KALRN: variants seen among roughly 807,000 people sequenced by gnomAD.
KALRN encodes the protein kalirin.
Under a neutral mutation model 353.7 loss-of-function variants are expected in KALRN, and 70 were observed. The ratio of observed to expected loss-of-function variants is 0.20; its 90% confidence interval spans 0.16 to 0.24. The LOEUF (loss-of-function observed/expected upper bound fraction) is 0.24. Among genes scored for constraint, KALRN ranks in the 10% least tolerant of loss-of-function variants. KALRN has a pLI of 1.00. For missense variants in KALRN, 2,791 were observed against 3,756.7 expected, an observed-to-expected ratio of 0.74 and a Z score of 6.72; for synonymous variants, 1,391 against 1,434.8, an observed-to-expected ratio of 0.97 and a Z score of 0.69.
intron 24 of KALRN, 92 bp from the exon 25 acceptor site, chr3:124,462,432 C>T: frequency 2.8e-6 from 2 of 717,654 alleles, no homozygotes; most frequent in South Asian, 3.4e-5. Context: ...CAGTTTGAGT[C>T]TTGCCCCACA....
intron 10 of KALRN, among the ~76,000 whole-genome samples, chr3:124,349,919 T>G (rs1005657994): frequency 6.6e-6 from 1 of 152,178 alleles, no homozygotes; most frequent in African/African-American, 2.4e-5. Flanking sequence ...ATCCCCTGAC[T>G]GCTGAGAGTG....
rs370394911 is a variant in KALRN at position 124,664,370 on chromosome 3, T to TGTGTGCGC, written c.6346-2078_6346-2077insTGTGCGCG. Among the ~76,000 whole-genome samples the TGTGTGCGC allele has an allele frequency of 2.6e-3, 342 of 129,550 alleles. 4 individuals carry two copies. The highest frequency in any genetic ancestry group is 9.2e-3 in the African/African-American group (319 of 34,540). The allele number at this position is 129,550 out of a possible 152,430, so 85.0% of individuals were successfully genotyped here. ...GTGTGTGTGTGTGTGTGTGTGTGTGTGCGCGCGCGCGCATATAAGGGCACC... is the reference window on the plus strand; with the variant it reads ...GTGTGTGTGTGTGTGTGTGTGTGTGTGTGTGCGCGCGCGCGCGCGCATATAAGGGCACC... On this transcript the variant is annotated intron_variant, in intron 45 of 59. Coordinates refer to ENST00000682506, the MANE Select transcript of KALRN (RefSeq NM_001388419.1).
At chr3:124,430,840 G>A in intron 16 of KALRN, 65 bp downstream of exon 16, 1 of 1,546,312 alleles carries the variant, frequency 6.5e-7, no homozygotes, top group Non-Finnish European at 8.7e-7. Flanking sequence ...CAGGCAGGGT[G>A]ATTCTCAGGT....
At chr3:124,403,574 G>C (rs1223278394) in intron 13 of KALRN, among the ~76,000 whole-genome samples, 1 of 152,196 alleles carries the variant, frequency 6.6e-6, no homozygotes, top group East Asian at 1.9e-4. Flanking sequence ...AAAACAAATA[G>C]GGGCCAGGCT....
chr3:124,094,602 A>G (rs1452055991), intron 1 of KALRN: 1 of 566,512 alleles, frequency 1.8e-6, no homozygotes, highest in Non-Finnish European at 3.2e-6. Context: ...GGGTCCAGGC[A>G]GGCTCGGTCT....
chr3:124,430,849 G>T, intron 16 of KALRN, 74 bp downstream of exon 16: 1 of 1,522,778 alleles, frequency 6.6e-7, no homozygotes. Flanking sequence ...TGATTCTCAG[G>T]TGTGGGTGTT....
intron 34 of KALRN, among the ~76,000 whole-genome samples, chr3:124,583,925 T>C (rs187696181): frequency 2.6e-5 from 4 of 152,250 alleles, no homozygotes; most frequent in Non-Finnish European, 5.9e-5. Context: ...TTTGGGAGGC[T>C]AAGGCAGGAG....
chr3:124,678,112 C>T, intron 49 of KALRN, 78 bp from the exon 50 acceptor site: 3 of 1,526,572 alleles, frequency 2.0e-6, no homozygotes, highest in Non-Finnish European at 2.7e-6. Flanking sequence ...TGCTGACTCA[C>T]CCAAGGGTGG....
At chr3:124,068,109 G>C (rs2042529449) in intron 1 of KALRN, among the ~76,000 whole-genome samples, 1 of 152,210 alleles carries the variant, frequency 6.6e-6, no homozygotes, top group Admixed American at 6.5e-5. Flanking sequence ...TGAGTGGCTA[G>C]TCTGAAAATC....
chr3:124,609,387 T>G (rs2077688464), intron 34 of KALRN, among the ~76,000 whole-genome samples: 1 of 152,172 alleles, frequency 6.6e-6, no homozygotes, highest in African/African-American at 2.4e-5. Context: ...CCTGATAGTT[T>G]GGGGGTCTCT....
intron 1 of KALRN, among the ~76,000 whole-genome samples, chr3:124,080,785 C>T (rs377452651): frequency 5.3e-5 from 8 of 152,240 alleles, no homozygotes; most frequent in East Asian, 3.9e-4. Flanking sequence ...ACCTAGTGTT[C>T]GAATCTGCCC....
intron 1 of KALRN, among the ~76,000 whole-genome samples, chr3:124,106,398 G>A (rs771810841): frequency 2.6e-5 from 4 of 152,300 alleles, no homozygotes; most frequent in Admixed American, 6.5e-5. Context: ...ACCCTGTGAT[G>A]TTGTGGGAGG....
intron 1 of KALRN, among the ~76,000 whole-genome samples, chr3:124,161,178 C>T (rs558201028): frequency 1.3e-5 from 2 of 152,220 alleles, no homozygotes; most frequent in South Asian, 2.1e-4. Flanking sequence ...CTCCATCCCT[C>T]CCCCAAAAAA....
intron 33 of KALRN, among the ~76,000 whole-genome samples, chr3:124,529,636 T>G (rs2067874106): frequency 6.6e-6 from 1 of 152,140 alleles, no homozygotes; most frequent in Non-Finnish European, 1.5e-5. Flanking sequence ...TGTGGGAAAC[T>G]ACAGGGTGGT....
chr3:124,257,082 G>C (rs2072119170), intron 3 of KALRN, among the ~76,000 whole-genome samples: 1 of 152,198 alleles, frequency 6.6e-6, no homozygotes, highest in Non-Finnish European at 1.5e-5. Context: ...GCCATGGAGA[G>C]AGAAACTAAC....
intron 34 of KALRN, among the ~76,000 whole-genome samples, chr3:124,564,027 A>T (rs916833012): frequency 2.7e-5 from 4 of 147,394 alleles, no homozygotes; most frequent in African/African-American, 7.5e-5. Flanking sequence ...AAAAAAAATT[A>T]AAAAAATTAG....
chr3:124,305,906 AAAAC>A (rs910131206), intron 6 of KALRN, among the ~76,000 whole-genome samples: 16 of 152,190 alleles, frequency 1.1e-4, no homozygotes, highest in Non-Finnish European at 1.8e-4. Context: ...AAAAAAATAA[AAAAC>A]AGTCAATAGA....
At chr3:124,161,900 T>G (rs2070024260) in intron 1 of KALRN, among the ~76,000 whole-genome samples, 1 of 152,212 alleles carries the variant, frequency 6.6e-6, no homozygotes, top group African/African-American at 2.4e-5. Flanking sequence ...GGTTGAAAGA[T>G]AGATACCTTT....
At chr3:124,647,355 C>T (rs574843196) in intron 37 of KALRN, among the ~76,000 whole-genome samples, 29 of 152,308 alleles carry the variant, frequency 1.9e-4, no homozygotes, top group South Asian at 1.0e-3. Flanking sequence ...TTGCCACCCT[C>T]CTTCCCTCAC....
Sources: allele counts gnomAD v4.1 joint callset (sites outside exome capture counted in the v4.1 genomes callset), GRCh38; gene constraint gnomAD v4.1.1; transcripts MANE v1.5; gene names NCBI Gene and HGNC (gene_info 2026-07-23, HGNC 2026-07-21).